Variants in PCDHGA3 observed in about 807,000 individuals in gnomAD.
The protein encoded by PCDHGA3 is protocadherin gamma-A3.
In PCDHGA3, 40 loss-of-function variants were observed where a neutral mutation model predicts 58.5. That is an observed-to-expected ratio of 0.68 (90% CI 0.53 to 0.89). PCDHGA3 has a LOEUF of 0.89. Among genes scored for constraint, PCDHGA3 ranks in the 40% least tolerant of loss-of-function variants. The probability of loss-of-function intolerance (pLI) is 0.00; values close to 1 mark genes in which losing one functional copy is unlikely to be tolerated. For missense variants in PCDHGA3, 1,223 were observed against 1,195.9 expected, an observed-to-expected ratio of 1.02 and a Z score of -0.33; for synonymous variants, 530 against 525.7, an observed-to-expected ratio of 1.01 and a Z score of -0.11.
intron 1 of PCDHGA3, among the ~76,000 whole-genome samples, chr5:141,474,142 T>G (rs2099344082): frequency 6.6e-6 from 1 of 152,212 alleles, no homozygotes; most frequent in African/African-American, 2.4e-5. Flanking sequence ...ACAGGCCTTA[T>G]TATCAAGAAA....
At position 141,486,266 on chromosome 5, in the gene PCDHGA3, C is replaced by A; in HGVS notation, c.2425-8541C>A. On this transcript the variant is annotated intron_variant, in intron 1 of 3. Coordinates refer to ENST00000253812, the MANE Select transcript of PCDHGA3 (RefSeq NM_018916.4). The surrounding 1 kb of genome is among the most constrained non-coding windows in gnomAD (Gnocchi z 5.0). ...TGGAACCCTCCCCGAGAGTGCAGAA[C>A]CTGGCACTGTGGTGGCACTTATCAG... The A allele has an allele frequency of 1.9e-6, 3 of 1,614,098 alleles. No homozygotes were observed. Among genetic ancestry groups the A allele is most frequent in the Admixed American group, 3.3e-5 (2 of 60,016 alleles).
chr5:141,466,674 T>C (rs2099127051), intron 1 of PCDHGA3, among the ~76,000 whole-genome samples: 1 of 152,222 alleles, frequency 6.6e-6, no homozygotes, highest in South Asian at 2.1e-4. Flanking sequence ...TTCACCGTTC[T>C]TCCACTCAAG....
chr5:141,417,980 C>A lies in PCDHGA3; in HGVS notation c.2424+71523C>A, dbSNP rs905203424. On this transcript the variant is annotated intron_variant, in intron 1 of 3. Transcript: ENST00000253812. ...GATCCGCTACTCGATTCCGGAGGAG[C>A]TGGCCAAGGGCTCGGTGGTGGGGAA... is the stretch of plus-strand genomic sequence containing the variant. 4.3e-6 allele frequency: 7 copies of A among 1,613,856 alleles called. No homozygotes were observed. The Admixed American group carries it at 1.0e-4, about 23-fold the overall frequency.
chr5:141,423,159 G>A lies in PCDHGA3; in HGVS notation c.2425-71648G>A, dbSNP rs750186629. On this transcript the variant is annotated intron_variant, in intron 1 of 3. Transcript: ENST00000253812. Reference sequence around the variant, plus strand: ...GAGACGCGCTCAAGCAGAGCCTCGTGGTGGCCGTCCAGGACCACGGCCAGC... The same window carrying A: ...GAGACGCGCTCAAGCAGAGCCTCGTAGTGGCCGTCCAGGACCACGGCCAGC... The A allele has an allele frequency of 1.9e-5, 31 of 1,610,746 alleles. 1 individual carries two copies. The highest frequency in any genetic ancestry group is 3.3e-4 in the Middle Eastern group (2 of 6,080).
intron 1 of PCDHGA3, among the ~76,000 whole-genome samples, chr5:141,359,513 A>G (rs573268239): frequency 5.3e-5 from 8 of 151,392 alleles, no homozygotes; most frequent in African/African-American, 1.9e-4. Flanking sequence ...TAACTATATT[A>G]TGGGCCACTA....
At chr5:141,423,694 T>A in intron 1 of PCDHGA3, 1 of 1,501,554 alleles carries the variant, frequency 6.7e-7, no homozygotes, top group Non-Finnish European at 8.9e-7. Context: ...TAATTGTTGG[T>A]GTCTTGGCAC....
chr5:141,419,515 G>T, intron 1 of PCDHGA3: 1 of 1,612,264 alleles, frequency 6.2e-7, no homozygotes, highest in Non-Finnish European at 8.5e-7. Flanking sequence ...GCGTGTTGGT[G>T]GGCGACCGTA....
chr5:141,415,044 G>T, intron 1 of PCDHGA3: 2 of 1,613,506 alleles, frequency 1.2e-6, no homozygotes, highest in East Asian at 2.2e-5. Flanking sequence ...TCTTCGCGGT[G>T]GGGGAGCACA....
chr5:141,395,528 A>T, intron 1 of PCDHGA3: 1 of 368,434 alleles, frequency 2.7e-6, no homozygotes, highest in Non-Finnish European at 4.9e-6. Flanking sequence ...CCATACTGGT[A>T]ATTTTGCTAT....
intron 3 of PCDHGA3, among the ~76,000 whole-genome samples, chr5:141,506,349 T>A (rs894933059): frequency 8.0e-5 from 12 of 150,304 alleles, no homozygotes; most frequent in Admixed American, 2.7e-4. Context: ...CTTGGGAGGC[T>A]GAGGCAGGAG....
At chr5:141,387,600 A>T (rs1033182750) in intron 1 of PCDHGA3, 3 of 541,478 alleles carry the variant, frequency 5.5e-6, no homozygotes, top group Admixed American at 7.3e-5. Context: ...GAAGCAGCAG[A>T]GGCTGTAGTT....
At chr5:141,427,132 G>T (rs755992698) in intron 1 of PCDHGA3, 1 of 457,106 alleles carries the variant, frequency 2.2e-6, no homozygotes, top group Non-Finnish European at 4.4e-6. Context: ...AAATCCCTAC[G>T]AGATGATATT....
chr5:141,366,190 G>A, intron 1 of PCDHGA3: 1 of 1,613,934 alleles, frequency 6.2e-7, no homozygotes, highest in African/African-American at 1.3e-5. Context: ...TTGCGGTTGG[G>A]CTGCACACGG....
At chr5:141,499,136 G>A (rs1488844131) in intron 2 of PCDHGA3, among the ~76,000 whole-genome samples, 1 of 152,100 alleles carries the variant, frequency 6.6e-6, no homozygotes, top group Non-Finnish European at 1.5e-5. Flanking sequence ...CATCCTTTGG[G>A]TGTCTGATCC....
At chr5:141,372,766 A>G in intron 1 of PCDHGA3, 1 of 1,611,952 alleles carries the variant, frequency 6.2e-7, no homozygotes, top group Non-Finnish European at 8.5e-7. Flanking sequence ...TTTGAAAGTA[A>G]TGACAATCCA....
At chr5:141,421,387 G>A in intron 1 of PCDHGA3, 3 of 1,614,054 alleles carry the variant, frequency 1.9e-6, no homozygotes, top group Non-Finnish European at 2.5e-6. Context: ...CAAGGACCTG[G>A]GGCTGGAGCC....
At position 141,351,478 on chromosome 5, in the gene PCDHGA3, A is replaced by G. The variant is rs199832341; in HGVS notation, c.2424+5021A>G. 3.9e-5 allele frequency: 63 copies of G among 1,613,924 alleles called. No individual in the cohort carries two copies. In the Middle Eastern group the frequency reaches 5.0e-4, roughly 13 times the overall value. On this transcript the variant is annotated intron_variant, in intron 1 of 3. Coordinates refer to ENST00000253812, the MANE Select transcript of PCDHGA3 (RefSeq NM_018916.4). Reference sequence around the variant, plus strand: ...ACAAGCTGGTGATTGCTGGAGCCCTAAACCGGGAGCAGACAGCAGACTACA... The same window carrying G: ...ACAAGCTGGTGATTGCTGGAGCCCTGAACCGGGAGCAGACAGCAGACTACA...
chr5:141,356,150 T>C (rs1181062763), intron 1 of PCDHGA3: 3 of 1,613,504 alleles, frequency 1.9e-6, no homozygotes, highest in Non-Finnish European at 2.5e-6. Flanking sequence ...TTCTATGACA[T>C]AGATGTAGAA....
At chr5:141,504,594 C>T (rs2099839378) in intron 2 of PCDHGA3, among the ~76,000 whole-genome samples, 2 of 140,288 alleles carry the variant, frequency 1.4e-5, no homozygotes, top group South Asian at 4.4e-4. Context: ...GGATTCACAG[C>T]AAGAGGGAAC....
Sources: gnomAD v4.1 joint callset for allele counts (sites outside exome capture counted in the v4.1 genomes callset) on GRCh38, gnomAD v4.1.1 for gene constraint, Gnocchi (gnomAD v3.1) non-coding constraint, MANE v1.5 for transcripts, NCBI Gene and HGNC (gene_info 2026-07-23, HGNC 2026-07-21) for gene names.